LOC128706666: variants seen among roughly 807,000 people sequenced by gnomAD.
At chr20:10,414,982 T>C in the LOC128706666 span, among the ~76,000 whole-genome samples, 1 of 152,210 alleles carries the variant, frequency 6.6e-6, no homozygotes, top group African/African-American at 2.4e-5. Flanking sequence ...ACAACAACAA[T>C]AAAAATAGGA....
the LOC128706666 span, among the ~76,000 whole-genome samples, chr20:10,414,710 AT>A: frequency 2.0e-5 from 3 of 152,230 alleles, no homozygotes; most frequent in Non-Finnish European, 4.4e-5. Flanking sequence ...TTTGTAAATA[AT>A]TATAAAAACA....
At chr20:10,419,635 T>C in the LOC128706666 span, among the ~76,000 whole-genome samples, 1 of 152,234 alleles carries the variant, frequency 6.6e-6, no homozygotes, top group African/African-American at 2.4e-5. Context: ...AATACTCCTG[T>C]GCTTTGGGTA....
At chr20:10,422,713 C>CT in the LOC128706666 span, among the ~76,000 whole-genome samples, 20,483 of 143,418 alleles carry the variant, frequency 0.14, 1,609 homozygotes, top group East Asian at 0.24. Context: ...GTTATATTAT[C>CT]TTTTTTTTTT....
the LOC128706666 span, among the ~76,000 whole-genome samples, chr20:10,425,349 A>G: frequency 7.4e-3 from 1,133 of 152,316 alleles, 12 homozygotes; most frequent in African/African-American, 0.026. Context: ...TCAATGCTTT[A>G]TTGCAAAATA....
the LOC128706666 span, among the ~76,000 whole-genome samples, chr20:10,425,892 C>G: frequency 6.6e-6 from 1 of 152,020 alleles, no homozygotes; most frequent in East Asian, 1.9e-4. Flanking sequence ...AAAAAAGACT[C>G]CTTTAGAAGG....
At chr20:10,428,745 AG>A in the LOC128706666 span, among the ~76,000 whole-genome samples, 11 of 152,180 alleles carry the variant, frequency 7.2e-5, no homozygotes, top group African/African-American at 2.4e-4. Context: ...AGGCTGAAAC[AG>A]GAGAATCGCT....
the LOC128706666 span, among the ~76,000 whole-genome samples, chr20:10,432,725 G>A: frequency 1.4e-5 from 2 of 147,846 alleles, no homozygotes; most frequent in African/African-American, 4.9e-5. Context: ...GAACCCGGGA[G>A]GCGGAGGTTG....
chr20:10,415,621 A>G, the LOC128706666 span, among the ~76,000 whole-genome samples: 1 of 152,206 alleles, frequency 6.6e-6, no homozygotes, highest in Non-Finnish European at 1.5e-5. Flanking sequence ...ATTCAGCAAA[A>G]TCTGAGAAAT....
At chr20:10,427,029 G>GACACACACACAGACACAC in the LOC128706666 span, among the ~76,000 whole-genome samples, 854 of 130,762 alleles carry the variant, frequency 6.5e-3, 13 homozygotes, top group African/African-American at 9.6e-3. Flanking sequence ...AGAAAACACT[G>GACACACACACAGACACAC]ACACACACAC....
At chr20:10,431,095 T>G in the LOC128706666 span, among the ~76,000 whole-genome samples, 2 of 152,182 alleles carry the variant, frequency 1.3e-5, no homozygotes, top group African/African-American at 2.4e-5. Context: ...GCCTAGCATG[T>G]GGGAAGTGCT....
the LOC128706666 span, among the ~76,000 whole-genome samples, chr20:10,419,369 T>C: frequency 3.3e-5 from 5 of 152,090 alleles, no homozygotes; most frequent in Non-Finnish European, 7.4e-5. Context: ...ACATAATCAA[T>C]ATAATCATAA....
At chr20:10,429,802 C>G in the LOC128706666 span, among the ~76,000 whole-genome samples, 1 of 152,188 alleles carries the variant, frequency 6.6e-6, no homozygotes, top group African/African-American at 2.4e-5. Flanking sequence ...AGTTCTCAAA[C>G]TGTGGTCCTC....
the LOC128706666 span, among the ~76,000 whole-genome samples, chr20:10,414,867 C>T: frequency 8.5e-5 from 13 of 152,226 alleles, no homozygotes; most frequent in African/African-American, 1.4e-4. Flanking sequence ...TATCATTTTA[C>T]GTTATCAATC....
At chr20:10,432,369 A>C in the LOC128706666 span, among the ~76,000 whole-genome samples, 10 of 152,236 alleles carry the variant, frequency 6.6e-5, no homozygotes, top group African/African-American at 9.6e-5. Flanking sequence ...ATTCTCAGGA[A>C]ACCCAACCTA....
the LOC128706666 span, among the ~76,000 whole-genome samples, chr20:10,421,416 CAA>C: frequency 0.057 from 4,911 of 86,026 alleles, 187 homozygotes; most frequent in African/African-American, 0.17. Context: ...GACTCCATCA[CAA>C]AAAAAAAAAA....
At chr20:10,427,203 T>C in the LOC128706666 span, among the ~76,000 whole-genome samples, 1 of 152,186 alleles carries the variant, frequency 6.6e-6, no homozygotes, top group African/African-American at 2.4e-5. Context: ...TTTTAATTGC[T>C]TCCTGCAAAA....
the LOC128706666 span, chr20:10,420,537 G>A: frequency 6.6e-6 from 1 of 152,168 alleles, no homozygotes; most frequent in African/African-American, 2.4e-5. Context: ...CCTGAAGATT[G>A]CAAGCCTGCT....
the LOC128706666 span, among the ~76,000 whole-genome samples, chr20:10,424,598 T>C: frequency 6.6e-6 from 1 of 152,222 alleles, no homozygotes; most frequent in Non-Finnish European, 1.5e-5. Flanking sequence ...AAAAAATAGT[T>C]TTCAAATTTT....
the LOC128706666 span, among the ~76,000 whole-genome samples, chr20:10,414,777 G>C: frequency 2.0e-5 from 3 of 152,100 alleles, no homozygotes; most frequent in Non-Finnish European, 2.9e-5. Flanking sequence ...TCTATATTTA[G>C]CTGAATAATT....
Sources: allele counts gnomAD v4.1 joint callset (sites outside exome capture counted in the v4.1 genomes callset), GRCh38; gene constraint gnomAD v4.1.1; transcripts MANE v1.5.